ESRRG: variants seen among roughly 807,000 people sequenced by gnomAD.
ESRRG encodes the protein estrogen-related receptor gamma.
In ESRRG, 13 loss-of-function variants were observed where a neutral mutation model predicts 44.0. The observed-to-expected ratio is 0.30, with a 90% confidence interval of 0.19 to 0.47. The LOEUF is 0.47. ESRRG is among the 20% of genes least tolerant of loss of function. The probability of loss-of-function intolerance (pLI) is 1.00; values close to 1 mark genes in which losing one functional copy is unlikely to be tolerated. For missense variants in ESRRG, 395 were observed against 580.6 expected (o/e 0.68, Z 3.29); for synonymous variants, 215 against 214.6 (o/e 1.00, Z -0.02).
chr1:217,046,591 A>G (rs115263347), intron 1 of ESRRG, among the ~76,000 whole-genome samples: 247 of 152,284 alleles, frequency 1.6e-3, no homozygotes, highest in African/African-American at 5.7e-3. Flanking sequence ...ATCACACAGA[A>G]TGGGATAAGA....
At chr1:216,663,566 A>T (rs1266057510) in intron 2 of ESRRG, among the ~76,000 whole-genome samples, 3 of 152,140 alleles carry the variant, frequency 2.0e-5, no homozygotes, top group Non-Finnish European at 2.9e-5. Context: ...ATGAGATTTA[A>T]TTCCAAATAA....
chr1:216,968,722 T>A (rs1054643601), intron 1 of ESRRG, among the ~76,000 whole-genome samples: 6 of 150,250 alleles, frequency 4.0e-5, no homozygotes, highest in African/African-American at 9.7e-5. Flanking sequence ...TTTGTCTCTA[T>A]AAATTTAAGA....
intron 3 of ESRRG, among the ~76,000 whole-genome samples, chr1:216,578,293 C>A (rs1573412779): frequency 6.6e-6 from 1 of 152,016 alleles, no homozygotes; most frequent in African/African-American, 2.4e-5. Context: ...AGCAATAAGT[C>A]TACACAGTCA....
At chr1:216,551,977 G>A (rs942408496) in intron 5 of ESRRG, among the ~76,000 whole-genome samples, 2 of 151,746 alleles carry the variant, frequency 1.3e-5, no homozygotes, top group Non-Finnish European at 1.5e-5. Context: ...ATATCTCTCT[G>A]CACAAAATAG....
chr1:216,877,550 C>T (rs980956504), intron 2 of ESRRG, among the ~76,000 whole-genome samples: 3 of 151,858 alleles, frequency 2.0e-5, no homozygotes, highest in Non-Finnish European at 4.4e-5. Context: ...ACTACAGGCA[C>T]GCACCACCAT....
intron 1 of ESRRG, among the ~76,000 whole-genome samples, chr1:216,693,458 T>A (rs754293960): frequency 6.6e-6 from 1 of 152,142 alleles, no homozygotes; most frequent in Non-Finnish European, 1.5e-5. Flanking sequence ...TGTGCAGTTG[T>A]CCCTCAGTAT....
intron 1 of ESRRG, among the ~76,000 whole-genome samples, chr1:217,113,054 G>C (rs1039811069): frequency 6.6e-6 from 1 of 152,200 alleles, no homozygotes; most frequent in African/African-American, 2.4e-5. Context: ...GAATCGTATT[G>C]ATAGAAGAGC....
In ESRRG at chr1:216,735,807, C is replaced by T. The variant is rs148329867; in HGVS notation, c.-13-58316G>A. 5.3e-3 allele frequency among the ~76,000 whole-genome samples: 809 copies of T among 151,506 alleles called. 5 individuals carry two copies. Among genetic ancestry groups the T allele is most frequent in the African/African-American group, 0.018 (760 of 41,316 alleles). On this transcript the variant is annotated intron_variant, in intron 2 of 7. Coordinates refer to the ESRRG transcript ENST00000359162. ...CAGCCTGGCCAAGATGGTGAAACCCCGTCTCTACTAAAAATACAAAAATTA... is the reference window on the plus strand; with the variant it reads ...CAGCCTGGCCAAGATGGTGAAACCCTGTCTCTACTAAAAATACAAAAATTA...
chr1:217,103,216 G>T (rs2092543234), intron 1 of ESRRG, among the ~76,000 whole-genome samples: 1 of 152,086 alleles, frequency 6.6e-6, no homozygotes, highest in African/African-American at 2.4e-5. Context: ...TAGAGGAATG[G>T]AAGCCTCCTC....
At chr1:217,052,885 A>G (rs1015204553) in intron 1 of ESRRG, among the ~76,000 whole-genome samples, 1 of 152,192 alleles carries the variant, frequency 6.6e-6, no homozygotes, top group Non-Finnish European at 1.5e-5. Flanking sequence ...CTTGATCACT[A>G]AAAGGGCTTT....
At position 216,644,203 on chromosome 1, in the gene ESRRG, T is replaced by C. The variant is rs116368252; in HGVS notation, c.589+6770A>G. Among the ~76,000 whole-genome samples the C allele has an allele frequency of 8.7e-3, 1,329 of 152,270 alleles. 24 individuals carry two copies. The highest frequency in any genetic ancestry group is 0.03 in the African/African-American group (1,266 of 41,546). The stretch of plus-strand genomic sequence containing the variant: ...ATGATAATTAAATCTTAATACCATG[T>C]ATTGTCTCACCACAAATGGTGACTT... On this transcript the variant is annotated intron_variant, in intron 3 of 6. Coordinates refer to ENST00000408911, the MANE Select transcript of ESRRG (RefSeq NM_001438.4).
At chr1:217,019,205 T>C (rs146622915) in intron 1 of ESRRG, among the ~76,000 whole-genome samples, 3 of 152,316 alleles carry the variant, frequency 2.0e-5, no homozygotes, top group Admixed American at 6.5e-5. Flanking sequence ...TTTACCTTAG[T>C]CTATTCCTAA....
intron 5 of ESRRG, among the ~76,000 whole-genome samples, chr1:216,550,950 TAATC>T (rs2149383155): frequency 6.6e-6 from 1 of 152,258 alleles, no homozygotes; most frequent in East Asian, 1.9e-4. Flanking sequence ...CTATGGCTGA[TAATC>T]AGAACATGGG....
At chr1:217,027,164 A>G (rs997593419) in intron 1 of ESRRG, among the ~76,000 whole-genome samples, 2 of 152,170 alleles carry the variant, frequency 1.3e-5, no homozygotes, top group African/African-American at 4.8e-5. Context: ...CCCCAAACAT[A>G]CTGTCCCCAA....
At chr1:216,733,270 C>G (rs2089233616) in intron 2 of ESRRG, among the ~76,000 whole-genome samples, 2 of 148,240 alleles carry the variant, frequency 1.3e-5, no homozygotes, top group South Asian at 4.3e-4. Context: ...TTTTGTCACA[C>G]TACCAGGTGC....
chr1:216,558,168 G>A (rs1020425481), intron 5 of ESRRG, among the ~76,000 whole-genome samples: 1 of 152,236 alleles, frequency 6.6e-6, no homozygotes, highest in East Asian at 1.9e-4. Flanking sequence ...TTCTCTGTTG[G>A]TCTACTTTTT....
intron 3 of ESRRG, among the ~76,000 whole-genome samples, chr1:216,577,813 A>G (rs2061975163): frequency 1.3e-5 from 2 of 152,076 alleles, no homozygotes; most frequent in South Asian, 4.1e-4. Flanking sequence ...GAAAGGTGCC[A>G]TATGAGCCTG....
intron 1 of ESRRG, among the ~76,000 whole-genome samples, chr1:217,127,847 T>C (rs897512408): frequency 5.3e-5 from 8 of 152,224 alleles, no homozygotes; most frequent in Non-Finnish European, 7.3e-5. Flanking sequence ...GGAAACACAC[T>C]AAAGCTTCCA....
intron 2 of ESRRG, among the ~76,000 whole-genome samples, chr1:216,663,757 C>T (rs1025496258): frequency 6.6e-6 from 1 of 152,028 alleles, no homozygotes; most frequent in South Asian, 2.1e-4. Flanking sequence ...ATTCTCACAT[C>T]AAAACAGGAG....
Sources: allele counts gnomAD v4.1 joint callset (sites outside exome capture counted in the v4.1 genomes callset), GRCh38; gene constraint gnomAD v4.1.1; transcripts MANE v1.5; gene names NCBI Gene and HGNC (gene_info 2026-07-23, HGNC 2026-07-21).